DCLK2: variants seen among roughly 807,000 people sequenced by gnomAD.
DCLK2 encodes serine/threonine-protein kinase DCLK2.
In DCLK2, 31 loss-of-function variants were observed where a neutral mutation model predicts 78.4. That is an observed-to-expected ratio of 0.40 (90% CI 0.30 to 0.53). DCLK2 has a LOEUF of 0.53. Among genes scored for constraint, DCLK2 ranks in the 20% least tolerant of loss-of-function variants. The probability of loss-of-function intolerance (pLI) is 0.61; values close to 1 mark genes in which losing one functional copy is unlikely to be tolerated. For synonymous variants in DCLK2, 407 were observed against 374.9 expected (o/e 1.09, Z -0.99); for missense variants, 872 against 973.7 (o/e 0.90, Z 1.39).
intron 2 of DCLK2, among the ~76,000 whole-genome samples, chr4:150,134,815 A>G (rs1357595572): frequency 1.3e-5 from 2 of 151,936 alleles, no homozygotes; most frequent in Non-Finnish European, 2.9e-5. Context: ...TCCCCAAATC[A>G]TGTTTGTTGT....
intron 2 of DCLK2, among the ~76,000 whole-genome samples, chr4:150,136,058 G>T (rs149481739): frequency 1.3e-5 from 2 of 152,326 alleles, no homozygotes; most frequent in Non-Finnish European, 2.9e-5. Flanking sequence ...TCACAGGAAA[G>T]TCAAGTCATG....
intron 13 of DCLK2, among the ~76,000 whole-genome samples, chr4:150,247,966 T>C (rs1391756872): frequency 2.0e-5 from 3 of 152,214 alleles, no homozygotes; most frequent in Admixed American, 1.3e-4. Context: ...TCAAGAAATA[T>C]GTATTGGGCA....
At chr4:150,145,629 T>C (rs1734416678) in intron 2 of DCLK2, among the ~76,000 whole-genome samples, 1 of 152,224 alleles carries the variant, frequency 6.6e-6, no homozygotes, top group South Asian at 2.1e-4. Context: ...GTGGCAGTCA[T>C]TGCATTAGGT....
intron 2 of DCLK2, among the ~76,000 whole-genome samples, chr4:150,150,144 A>G (rs993188551): frequency 6.6e-6 from 1 of 152,220 alleles, no homozygotes; most frequent in African/African-American, 2.4e-5. Flanking sequence ...ATAAAAAACA[A>G]TTTATATACT....
At chr4:150,116,539 A>G (rs1433267284) in intron 2 of DCLK2, among the ~76,000 whole-genome samples, 5 of 152,182 alleles carry the variant, frequency 3.3e-5, no homozygotes, top group South Asian at 2.1e-4. Flanking sequence ...CTCTAGGTCT[A>G]GCTACCCAGT....
intron 10 of DCLK2, among the ~76,000 whole-genome samples, chr4:150,235,300 T>TG (rs1742409461): frequency 6.6e-6 from 1 of 152,212 alleles, no homozygotes; most frequent in Non-Finnish European, 1.5e-5. Flanking sequence ...ACCGCCTCCT[T>TG]TTTTCTTGTC....
intron 2 of DCLK2, among the ~76,000 whole-genome samples, chr4:150,129,933 G>T (rs934830171): frequency 7.9e-5 from 12 of 151,978 alleles, no homozygotes; most frequent in African/African-American, 2.9e-4. Flanking sequence ...TTTGCAGTTT[G>T]TGTACTAATA....
chr4:150,102,475 T>A lies in DCLK2; in HGVS notation c.422-3T>A, dbSNP rs188189484. The A allele has an allele frequency of 6.2e-7, 1 of 1,606,134 alleles. No homozygotes were observed. The highest frequency in any genetic ancestry group is 2.2e-5 in the East Asian group (1 of 44,764). On this transcript the variant is annotated splice_region_variant and splice_polypyrimidine_tract_variant and intron_variant, in intron 1 of 15. Transcript: ENST00000296550. Reference sequence around the variant, plus strand: ...GCTAATAAAATCAAATTTTGCTTTTTAGGTGAGAGTTACGTGTGTGCATCC... The same window carrying A: ...GCTAATAAAATCAAATTTTGCTTTTAAGGTGAGAGTTACGTGTGTGCATCC...
intron 2 of DCLK2, among the ~76,000 whole-genome samples, chr4:150,136,299 G>A (rs944850594): frequency 1.3e-5 from 2 of 152,186 alleles, no homozygotes; most frequent in African/African-American, 2.4e-5. Flanking sequence ...TCCAGGATGT[G>A]GCAGTGGGCT....
intron 2 of DCLK2, among the ~76,000 whole-genome samples, chr4:150,139,211 T>C (rs1013781477): frequency 2.0e-5 from 3 of 152,164 alleles, no homozygotes; most frequent in African/African-American, 7.2e-5. Context: ...CAAATATAAA[T>C]TAATCAGTCA....
chr4:150,082,588 T>G (rs1729382972), intron 1 of DCLK2, among the ~76,000 whole-genome samples: 2 of 152,228 alleles, frequency 1.3e-5, no homozygotes, highest in Admixed American at 1.3e-4. Flanking sequence ...CTGGATTAAG[T>G]TTGAGTTGAT....
At chr4:150,221,834 T>A (rs948430123) in intron 7 of DCLK2, 49 bp downstream of exon 7, 1 of 1,216,832 alleles carries the variant, frequency 8.2e-7, no homozygotes, top group Non-Finnish European at 1.2e-6. Flanking sequence ...TGATAAATAA[T>A]GAAAACTGTA....
intron 12 of DCLK2, among the ~76,000 whole-genome samples, 174 bp from the exon 13 acceptor site, chr4:150,247,429 T>C (rs1743405546): frequency 1.3e-5 from 2 of 152,206 alleles, no homozygotes; most frequent in Non-Finnish European, 2.9e-5. Flanking sequence ...TGGCTCATTA[T>C]CTAAAAGGAG....
chr4:150,253,725 C>T, intron 15 of DCLK2: 1 of 985,440 alleles, frequency 1.0e-6, no homozygotes, highest in African/African-American at 1.7e-5. Flanking sequence ...CCCTGGAAAA[C>T]TTTATTTTCA....
intron 2 of DCLK2, among the ~76,000 whole-genome samples, chr4:150,130,662 T>C (rs62338183): frequency 0.23 from 35,385 of 151,772 alleles, 4,544 homozygotes; most frequent in African/African-American, 0.34. Context: ...TGAAAACTGC[T>C]TTGGGGTCAT....
chr4:150,170,458 A>G (rs773597598), intron 2 of DCLK2, among the ~76,000 whole-genome samples: 1 of 152,218 alleles, frequency 6.6e-6, no homozygotes, highest in Non-Finnish European at 1.5e-5. Flanking sequence ...GAGTACCACA[A>G]CTGTGAGGAA....
chr4:150,157,002 TC>T (rs775595390), intron 2 of DCLK2, among the ~76,000 whole-genome samples: 2 of 151,730 alleles, frequency 1.3e-5, no homozygotes, highest in Non-Finnish European at 2.9e-5. Flanking sequence ...ACTCCTGGAC[TC>T]AAGTAATCTG....
chr4:150,217,041 C>T (rs1010702626), intron 5 of DCLK2, among the ~76,000 whole-genome samples: 1 of 152,082 alleles, frequency 6.6e-6, no homozygotes, highest in Non-Finnish European at 1.5e-5. Flanking sequence ...CAGGAATGCT[C>T]ATTAGCATTT....
At chr4:150,236,127 T>A (rs1362521553) in intron 10 of DCLK2, among the ~76,000 whole-genome samples, 1 of 152,230 alleles carries the variant, frequency 6.6e-6, no homozygotes, top group Non-Finnish European at 1.5e-5. Flanking sequence ...GTATGTGGGA[T>A]CTGCATTCCT....
Sources: allele counts gnomAD v4.1 joint callset (sites outside exome capture counted in the v4.1 genomes callset), GRCh38; gene constraint gnomAD v4.1.1; transcripts MANE v1.5; gene names NCBI Gene and HGNC (gene_info 2026-07-23, HGNC 2026-07-21).